CTNNA3: variants seen among roughly 807,000 people sequenced by gnomAD.
CTNNA3 encodes the protein catenin alpha-3.
Under a neutral mutation model 95.7 loss-of-function variants are expected in CTNNA3, and 76 were observed. That is an observed-to-expected ratio of 0.79 (90% CI 0.66 to 0.96). The LOEUF (loss-of-function observed/expected upper bound fraction) is 0.96, where lower values mean the gene tolerates loss of function less well. CTNNA3 is among the 40% of genes least tolerant of loss of function. The pLI, the probability that CTNNA3 is intolerant of heterozygous loss-of-function variation, is 0.00. For missense variants in CTNNA3, 1,191 were observed against 1,089.8 expected, an observed-to-expected ratio of 1.09 and a Z score of -1.31; for synonymous variants, 431 against 374.4, an observed-to-expected ratio of 1.15 and a Z score of -1.74.
chr10:66,395,523 A>C (rs2092968748), intron 11 of CTNNA3, among the ~76,000 whole-genome samples: 1 of 151,974 alleles, frequency 6.6e-6, no homozygotes, highest in South Asian at 2.1e-4. Context: ...ACTAATAAAA[A>C]AATACAAGGC....
chr10:66,311,928 T>C (rs1469715336), intron 12 of CTNNA3, among the ~76,000 whole-genome samples: 6 of 152,160 alleles, frequency 3.9e-5, no homozygotes, highest in Non-Finnish European at 8.8e-5. Context: ...TGGGTTTTGG[T>C]AGATGACTTG....
rs537767048 is a variant in CTNNA3 at position 66,649,214 on chromosome 10, T to C, written c.1282-27430A>G. Reference sequence around the variant, plus strand: ...TGATTAGAGTGAATTAAGGAGTAGATGGGAGGTAAAATAAAAAGTAGAAAT... The same window carrying C: ...TGATTAGAGTGAATTAAGGAGTAGACGGGAGGTAAAATAAAAAGTAGAAAT... On this transcript the variant is annotated intron_variant, in intron 9 of 17. Coordinates refer to ENST00000433211, the MANE Select transcript of CTNNA3 (RefSeq NM_013266.4). 2.8e-3 allele frequency among the ~76,000 whole-genome samples: 427 copies of C among 151,996 alleles called. 3 individuals carry two copies. The highest frequency in any genetic ancestry group is 9.4e-3 in the African/African-American group (391 of 41,460).
At chr10:66,114,030 G>A (rs986399240) in intron 13 of CTNNA3, among the ~76,000 whole-genome samples, 2 of 152,092 alleles carry the variant, frequency 1.3e-5, no homozygotes, top group Admixed American at 6.6e-5. Flanking sequence ...GCAGCAGATG[G>A]CTAGAAACAC....
intron 1 of CTNNA3, among the ~76,000 whole-genome samples, chr10:67,681,895 T>C (rs975269554): frequency 2.0e-5 from 3 of 151,700 alleles, no homozygotes; most frequent in Non-Finnish European, 4.4e-5. Context: ...TGGTGGCTCA[T>C]GCCTGTAATC....
intron 1 of CTNNA3, among the ~76,000 whole-genome samples, chr10:67,694,376 G>A (rs1840924930): frequency 6.6e-6 from 1 of 151,964 alleles, no homozygotes; most frequent in Non-Finnish European, 1.5e-5. Context: ...TGGTAGACTA[G>A]GAATTTTACA....
chr10:66,185,610 G>A (rs1215042426), intron 13 of CTNNA3, among the ~76,000 whole-genome samples: 1 of 151,924 alleles, frequency 6.6e-6, no homozygotes, highest in Non-Finnish European at 1.5e-5. Flanking sequence ...CGCAAAATTT[G>A]TCTAAAATGT....
chr10:67,398,466 T>C (rs1336303630), intron 5 of CTNNA3, among the ~76,000 whole-genome samples: 2 of 152,228 alleles, frequency 1.3e-5, no homozygotes, highest in Non-Finnish European at 2.9e-5. Flanking sequence ...ACTAACTTGC[T>C]TTTGATTTTA....
intron 9 of CTNNA3, among the ~76,000 whole-genome samples, chr10:66,679,308 A>C (rs1242059566): frequency 6.6e-6 from 1 of 152,244 alleles, no homozygotes; most frequent in Non-Finnish European, 1.5e-5. Flanking sequence ...TTTTGAGGAT[A>C]CTAGCTTCAG....
intron 3 of CTNNA3, among the ~76,000 whole-genome samples, chr10:67,600,479 A>G (rs1330406437): frequency 6.6e-6 from 1 of 152,180 alleles, no homozygotes; most frequent in Non-Finnish European, 1.5e-5. Flanking sequence ...TCATATCTAG[A>G]ACATATAAAA....
chr10:66,730,459 G>A (rs182048407), intron 9 of CTNNA3, among the ~76,000 whole-genome samples: 2 of 152,178 alleles, frequency 1.3e-5, no homozygotes, highest in East Asian at 3.9e-4. Flanking sequence ...GTCGGCATGG[G>A]GTGGGGACAG....
Position 66,661,921 on chromosome 10 carries a change from A to G in CTNNA3, c.1282-40137T>C, listed in dbSNP as rs1441347485. 5.3e-5 allele frequency among the ~76,000 whole-genome samples: 8 copies of G among 152,314 alleles called. 1 individual carries two copies. The East Asian group carries it at 1.5e-3, about 29-fold the overall frequency. ...CGAATCAACGTATGGTGGAATTACA[A>G]TTCAGCTCACAGTTAGTTTGTAAAA... On this transcript the variant is annotated intron_variant, in intron 9 of 17. Coordinates refer to ENST00000433211, the MANE Select transcript of CTNNA3 (RefSeq NM_013266.4).
At chr10:66,445,502 A>G (rs908006028) in intron 11 of CTNNA3, among the ~76,000 whole-genome samples, 1 of 152,216 alleles carries the variant, frequency 6.6e-6, no homozygotes, top group Non-Finnish European at 1.5e-5. Context: ...TCAAACTAGA[A>G]GGCAGGATTA....
intron 7 of CTNNA3, among the ~76,000 whole-genome samples, chr10:66,833,773 G>T (rs1392370191): frequency 1.3e-5 from 2 of 152,128 alleles, no homozygotes; most frequent in Admixed American, 1.3e-4. Context: ...CACCAAGAGA[G>T]CCCAACAGGG....
intron 5 of CTNNA3, among the ~76,000 whole-genome samples, chr10:67,276,303 G>A (rs560008937): frequency 7.2e-5 from 11 of 152,062 alleles, no homozygotes; most frequent in Non-Finnish European, 1.3e-4. Context: ...TTCAAACCAG[G>A]TATTGAAAAT....
At chr10:67,417,703 A>G (rs1845593071) in intron 5 of CTNNA3, among the ~76,000 whole-genome samples, 1 of 152,102 alleles carries the variant, frequency 6.6e-6, no homozygotes, top group Admixed American at 6.5e-5. Context: ...TCCAATTTAA[A>G]TTGGATTAAA....
chr10:66,841,967 T>C (rs1843081183), intron 7 of CTNNA3, among the ~76,000 whole-genome samples: 1 of 152,098 alleles, frequency 6.6e-6, no homozygotes, highest in Non-Finnish European at 1.5e-5. Flanking sequence ...TGATACAGGG[T>C]CTCACTCTGT....
Position 66,732,886 on chromosome 10 carries a change from C to T in CTNNA3, c.1281+33378G>A, listed in dbSNP as rs551258720. Among the ~76,000 whole-genome samples the T allele has an allele frequency of 6.2e-4, 95 of 152,212 alleles. No homozygotes were observed. In the South Asian group the frequency reaches 0.019, roughly 30 times the overall value. ...TCTCAGCTCACTGCAACCTCCACCT[C>T]CCAGGTTCAAGTGATTCTCATGCCT... On this transcript the variant is annotated intron_variant, in intron 9 of 17. Coordinates refer to ENST00000433211, the MANE Select transcript of CTNNA3 (RefSeq NM_013266.4).
intron 10 of CTNNA3, among the ~76,000 whole-genome samples, chr10:66,583,974 G>T (rs1843279104): frequency 6.6e-6 from 1 of 151,706 alleles, no homozygotes; most frequent in South Asian, 2.1e-4. Flanking sequence ...TAATTTCTAT[G>T]TATTTGCATA....
At chr10:67,101,789 T>C (rs1201170168) in intron 7 of CTNNA3, among the ~76,000 whole-genome samples, 2 of 151,658 alleles carry the variant, frequency 1.3e-5, no homozygotes, top group East Asian at 3.9e-4. Context: ...TATATGAGAG[T>C]AAAAATATAT....
Sources: allele counts gnomAD v4.1 joint callset (sites outside exome capture counted in the v4.1 genomes callset), GRCh38; gene constraint gnomAD v4.1.1; transcripts MANE v1.5; gene names NCBI Gene and HGNC (gene_info 2026-07-23, HGNC 2026-07-21).